PAWR: variants seen among roughly 807,000 people sequenced by gnomAD.
PAWR encodes PRKC apoptosis WT1 regulator protein.
A neutral mutation model predicts 32.0 loss-of-function variants in PAWR; 23 were observed. The observed-to-expected ratio is 0.72, with a 90% CI of 0.52 to 1.02. The LOEUF (loss-of-function observed/expected upper bound fraction) is 1.02. Among genes scored for constraint, PAWR ranks in the 50% least tolerant of loss-of-function variants. PAWR has a pLI of 0.00. For synonymous variants in PAWR, 226 were observed against 187.1 expected (o/e 1.21, Z -1.70); for missense variants, 457 against 437.7 (o/e 1.04, Z -0.39).
intron 2 of PAWR, among the ~76,000 whole-genome samples, chr12:79,660,828 C>CAGTTGGGAGG (rs1193232828): frequency 5.9e-5 from 9 of 151,858 alleles, no homozygotes; most frequent in African/African-American, 2.2e-4. Flanking sequence ...AGCTGATCCA[C>CAGTTGGGAGG]CTGCCTCAGC....
chr12:79,690,538 A>T (rs984524651), intron 1 of PAWR, 147 bp from the exon 2 acceptor site: 2 of 353,930 alleles, frequency 5.7e-6, no homozygotes, highest in African/African-American at 4.3e-5. Flanking sequence ...CCCACCCTGC[A>T]AAGTTTCTCC....
In PAWR at chr12:79,657,552, G is replaced by A. The variant is rs569303359; in HGVS notation, c.516+32177C>T. ...CACGCCCGTAATCCCAGCACTTTGG[G>A]AGGCTGAGGCGGGCGGATCACAAGG... On this transcript the variant is annotated intron_variant, in intron 2 of 6. Transcript: ENST00000328827. Among the ~76,000 whole-genome samples, 740 of 152,320 alleles carry A rather than the reference G, an allele frequency of 4.9e-3. 7 individuals carry two copies. The highest frequency in any genetic ancestry group is 0.017 in the African/African-American group (703 of 41,574).
rs151014502 is a variant in PAWR at position 79,591,380 on chromosome 12, T to C, written c.*1227A>G. 2.0e-5 allele frequency: 3 copies of C among 152,324 alleles called. No individual in the cohort carries two copies. Among genetic ancestry groups the C allele is most frequent in the African/African-American group, 4.8e-5 (2 of 41,578 alleles). 9.4% of individuals were successfully genotyped at this position (152,324 alleles called of 1,614,324 possible). Reference sequence around the variant, plus strand: ...TTTGACTATATTCAAGCCACTTTCATATATTAACTAGATAAAAGGATACCA... The same window carrying C: ...TTTGACTATATTCAAGCCACTTTCACATATTAACTAGATAAAAGGATACCA... On this transcript the variant is annotated 3_prime_UTR_variant, in exon 7 of 7. Transcript: ENST00000328827.
At chr12:79,601,755 G>A (rs950026419) in intron 4 of PAWR, among the ~76,000 whole-genome samples, 1 of 152,072 alleles carries the variant, frequency 6.6e-6, no homozygotes, top group Non-Finnish European at 1.5e-5. Context: ...CATTATTTCT[G>A]AAGATCTTAA....
chr12:79,683,211 A>G (rs926947071), intron 2 of PAWR, among the ~76,000 whole-genome samples: 21 of 152,198 alleles, frequency 1.4e-4, no homozygotes, highest in African/African-American at 5.1e-4. Context: ...AATTGGAAGA[A>G]AAAAATGAAA....
intron 2 of PAWR, among the ~76,000 whole-genome samples, chr12:79,671,099 G>C (rs1877872895): frequency 6.9e-6 from 1 of 144,490 alleles, no homozygotes; most frequent in Non-Finnish European, 1.5e-5. Context: ...GTCTAGCCTG[G>C]GCAAAAAGCA....
chr12:79,620,303 T>A (rs1874942134), intron 3 of PAWR, among the ~76,000 whole-genome samples: 1 of 152,188 alleles, frequency 6.6e-6, no homozygotes. Flanking sequence ...CTTTCCTGAA[T>A]AATTAAGTCC....
chr12:79,616,615 T>A (rs531913898), intron 3 of PAWR, among the ~76,000 whole-genome samples: 1 of 152,284 alleles, frequency 6.6e-6, no homozygotes, highest in South Asian at 2.1e-4. Flanking sequence ...TTTGACCCAA[T>A]TATAAATGAC....
intron 2 of PAWR, chr12:79,632,210 T>C (rs1415208534): frequency 7.1e-6 from 1 of 140,396 alleles, no homozygotes; most frequent in South Asian, 2.3e-4. Flanking sequence ...TCAATACTTA[T>C]AAAGTGAGAG....
At chr12:79,619,475 A>AT (rs1178872375) in intron 3 of PAWR, among the ~76,000 whole-genome samples, 1 of 152,226 alleles carries the variant, frequency 6.6e-6, no homozygotes, top group Non-Finnish European at 1.5e-5. Flanking sequence ...AAGCTTTATG[A>AT]TAAGAACATA....
chr12:79,628,921 T>C (rs1420716497), intron 2 of PAWR, among the ~76,000 whole-genome samples: 2 of 152,038 alleles, frequency 1.3e-5, no homozygotes, highest in Admixed American at 1.3e-4. Context: ...CATGGCATGG[T>C]ATAATATTAC....
chr12:79,604,248 C>G (rs1383761482), intron 4 of PAWR: 2 of 985,200 alleles, frequency 2.0e-6, no homozygotes, highest in Non-Finnish European at 2.4e-6. Context: ...AATCCTCCCT[C>G]CACTCTTAGC....
chr12:79,690,221 G>A lies in PAWR; in HGVS notation c.24C>T (p.Thr8=). 1 of 1,522,058 alleles carries A rather than the reference G, an allele frequency of 6.6e-7. No homozygotes were observed. The highest frequency in any genetic ancestry group is 2.7e-5 in the East Asian group (1 of 37,374). 94.3% of individuals were successfully genotyped at this position (1,522,058 alleles called of 1,614,324 possible). Residue 8 remains threonine (T), a synonymous_variant, in exon 2 of 7, where the codon ACC becomes ACT. Coordinates refer to ENST00000328827, the MANE Select transcript of PAWR (RefSeq NM_002583.4). The part of the protein sequence containing the change: MATGGYR[T]SSGLGGSTTD... ...TGGTGCTGCCGCCGAGGCCGCTGCT[G>A]GTCCGGTAGCCACCGGTCGCCATAT...
At chr12:79,654,322 C>G (rs1381100514) in intron 2 of PAWR, among the ~76,000 whole-genome samples, 1 of 152,088 alleles carries the variant, frequency 6.6e-6, no homozygotes, top group Non-Finnish European at 1.5e-5. Context: ...AACAATGAGG[C>G]AGTACATGTG....
chr12:79,620,046 A>G (rs1260504056), intron 3 of PAWR, among the ~76,000 whole-genome samples: 1 of 152,232 alleles, frequency 6.6e-6, no homozygotes, highest in Non-Finnish European at 1.5e-5. Context: ...AGTAATACTG[A>G]TGTTATTCAA....
chr12:79,642,547 T>C (rs1247663715), intron 2 of PAWR, among the ~76,000 whole-genome samples: 1 of 152,098 alleles, frequency 6.6e-6, no homozygotes, highest in Non-Finnish European at 1.5e-5. Flanking sequence ...TCACCTTTCT[T>C]TCTCATTGTA....
intron 2 of PAWR, among the ~76,000 whole-genome samples, chr12:79,687,185 T>C (rs1445045427): frequency 1.3e-5 from 2 of 152,224 alleles, no homozygotes; most frequent in Non-Finnish European, 2.9e-5. Flanking sequence ...ACTTCAGCCA[T>C]CACATGCAGT....
chr12:79,637,369 G>A (rs1240031347), intron 2 of PAWR, among the ~76,000 whole-genome samples: 1 of 151,676 alleles, frequency 6.6e-6, no homozygotes, highest in African/African-American at 2.4e-5. Context: ...TCTTTAATCC[G>A]CCTCCTTCTC....
chr12:79,689,609 A>AAGGG (rs1282841338), intron 2 of PAWR, 120 bp downstream of exon 2: 28 of 1,123,368 alleles, frequency 2.5e-5, no homozygotes, highest in Non-Finnish European at 3.4e-5. Context: ...TAACTCGGTG[A>AAGGG]AGGGACAAGT....
Sources: allele counts gnomAD v4.1 joint callset (sites outside exome capture counted in the v4.1 genomes callset), GRCh38; gene constraint gnomAD v4.1.1; transcripts MANE v1.5; gene names NCBI Gene and HGNC (gene_info 2026-07-23, HGNC 2026-07-21).